The following ABI3BP variants were observed in gnomAD, a reference collection of about 807,000 sequenced individuals.
ABI3BP encodes target of Nesh-SH3.
ABI3BP carries 216 observed loss-of-function variants against 268.6 expected under a neutral mutation model. The observed-to-expected ratio is 0.80, with a 90% CI of 0.72 to 0.90. The LOEUF (loss-of-function observed/expected upper bound fraction) is 0.90. ABI3BP is among the 40% of genes least tolerant of loss of function. ABI3BP has a pLI of 0.00. For missense variants in ABI3BP, 2,090 were observed against 2,182.4 expected (o/e 0.96, Z 0.84); for synonymous variants, 730 against 730.0 (o/e 1.00, Z 0.00).
chr3:100,950,903 C>T (rs142791899), intron 1 of ABI3BP, among the ~76,000 whole-genome samples: 6 of 151,874 alleles, frequency 4.0e-5, no homozygotes, highest in African/African-American at 7.3e-5. Context: ...GCTGAGGCCA[C>T]GTGCCCAGGG....
At chr3:100,905,292 C>T (rs957042136) in intron 2 of ABI3BP, among the ~76,000 whole-genome samples, 5 of 151,998 alleles carry the variant, frequency 3.3e-5, no homozygotes, top group African/African-American at 7.3e-5. Context: ...GGATAGCATT[C>T]GGAGATATAC....
intron 59 of ABI3BP, among the ~76,000 whole-genome samples, chr3:100,776,748 T>C (rs1301153281): frequency 1.3e-5 from 2 of 152,122 alleles, no homozygotes; most frequent in Non-Finnish European, 2.9e-5. Context: ...ATCTCAGAAG[T>C]GGAATGTATT....
intron 49 of ABI3BP, among the ~76,000 whole-genome samples, chr3:100,809,453 A>G (rs1220521434): frequency 1.3e-5 from 2 of 152,128 alleles, no homozygotes; most frequent in Non-Finnish European, 2.9e-5. Context: ...ACACAATGAG[A>G]TAAGAATCAC....
chr3:100,813,182 A>G (rs1274920745), intron 45 of ABI3BP, among the ~76,000 whole-genome samples: 117 of 152,126 alleles, frequency 7.7e-4, no homozygotes, highest in Non-Finnish European at 1.0e-4. Context: ...TGCCTGGCCT[A>G]TTTACAAGCT....
At chr3:100,777,021 G>C (rs529914513) in intron 59 of ABI3BP, among the ~76,000 whole-genome samples, 1 of 152,158 alleles carries the variant, frequency 6.6e-6, no homozygotes, top group Admixed American at 6.5e-5. Context: ...TCCTAGCAAG[G>C]CCATGTCACT....
chr3:100,822,729 C>T (rs1560459924), intron 37 of ABI3BP, 57 bp from the exon 38 acceptor site: 2 of 1,464,656 alleles, frequency 1.4e-6, no homozygotes, highest in Non-Finnish European at 1.8e-6. Flanking sequence ...ATTCTGGAAG[C>T]TGTGTGAGGT....
At chr3:100,914,241 A>G (rs1378390369) in intron 2 of ABI3BP, among the ~76,000 whole-genome samples, 3 of 152,172 alleles carry the variant, frequency 2.0e-5, no homozygotes. Context: ...CAAATCCTAC[A>G]CTATTCAGTA....
At chr3:100,802,752 A>C (rs1434946826) in intron 51 of ABI3BP, among the ~76,000 whole-genome samples, 1 of 145,088 alleles carries the variant, frequency 6.9e-6, no homozygotes, top group Non-Finnish European at 1.6e-5. Flanking sequence ...ACAATAAAAC[A>C]TAACTCTGTC....
chr3:100,881,549 T>C (rs1172483654), intron 6 of ABI3BP, among the ~76,000 whole-genome samples: 2 of 152,164 alleles, frequency 1.3e-5, no homozygotes, highest in Non-Finnish European at 2.9e-5. Flanking sequence ...AAGTAATACA[T>C]TTTTTCAAAA....
chr3:100,843,557 G>C lies in ABI3BP; in HGVS notation c.1724-1518C>G, dbSNP rs1315278483. 3.1e-6 allele frequency: 3 copies of C among 980,884 alleles called. No homozygotes were observed. The African/African-American group carries it at 5.3e-5, about 17-fold the overall frequency. The allele number at this position is 980,884 out of a possible 1,614,324, so 60.8% of individuals were successfully genotyped here. A position where few individuals can be genotyped will look rare whatever the true frequency, so the allele number is the denominator to read the frequency against. On this transcript the variant is annotated intron_variant, in intron 20 of 67. Transcript: ENST00000471714. ...TGTGTGTGTGTGAGAGAGAGAGAGA[G>C]AGAGAGAGAGGGAAGGGGAGAAGAA...
At position 100,830,562 on chromosome 3, in the gene ABI3BP, C is replaced by T. The variant is rs1464283721; in HGVS notation, c.2458+16G>A. On this transcript the variant is annotated intron_variant, in intron 32 of 67. Transcript: ENST00000471714. ...AGCAGGAGAGGCAGATGTTGATGGA[C>T]ATAATGTGCCATTACCTGCTGTTGT... 4 of 1,532,562 alleles carry T rather than the reference C, an allele frequency of 2.6e-6. No homozygotes were observed. The Admixed American group carries it at 5.9e-5, about 23-fold the overall frequency. The allele number at this position is 1,532,562 out of a possible 1,614,324, so 94.9% of individuals were successfully genotyped here.
At chr3:100,972,665 G>C (rs577790399) in intron 1 of ABI3BP, among the ~76,000 whole-genome samples, 4 of 151,942 alleles carry the variant, frequency 2.6e-5, no homozygotes, top group South Asian at 4.2e-4. Context: ...TGAATGTTTT[G>C]GATTTCTTAG....
chr3:100,851,812 G>T, intron 15 of ABI3BP, 63 bp downstream of exon 15: 2 of 1,404,048 alleles, frequency 1.4e-6, no homozygotes, highest in East Asian at 2.4e-5. Flanking sequence ...AAAAACTAAA[G>T]GAAGAACCAC....
chr3:100,964,186 C>G (rs1444418863), intron 1 of ABI3BP, among the ~76,000 whole-genome samples: 1 of 152,066 alleles, frequency 6.6e-6, no homozygotes, highest in Non-Finnish European at 1.5e-5. Context: ...TAGACATGTT[C>G]AAGATGGCGG....
intron 1 of ABI3BP, among the ~76,000 whole-genome samples, chr3:100,933,641 A>ATATATC (rs1465728239): frequency 7.3e-5 from 11 of 150,262 alleles, no homozygotes; most frequent in East Asian, 5.9e-4. Context: ...CAATATATAT[A>ATATATC]TATATCTATT....
chr3:100,860,060 C>A (rs1470438259), intron 14 of ABI3BP, among the ~76,000 whole-genome samples: 1 of 152,134 alleles, frequency 6.6e-6, no homozygotes, highest in Non-Finnish European at 1.5e-5. Context: ...GAGACAAGAG[C>A]AAACTCCATC....
chr3:100,819,640 A>G (rs1417353694), intron 40 of ABI3BP, among the ~76,000 whole-genome samples: 1 of 152,086 alleles, frequency 6.6e-6, no homozygotes, highest in Non-Finnish European at 1.5e-5. Context: ...TATGAGGACA[A>G]TTGAATGAAA....
At position 100,765,838 on chromosome 3, in the gene ABI3BP, T is replaced by C; in HGVS notation, c.4850+3A>G. The C allele has an allele frequency of 1.3e-6, 2 of 1,597,248 alleles. No individual in the cohort carries two copies. Among genetic ancestry groups the C allele is most frequent in the Middle Eastern group, 1.7e-4 (1 of 6,032 alleles). On this transcript the variant is annotated splice_donor_region_variant and intron_variant, in intron 63 of 67. Coordinates refer to ENST00000471714, the MANE Select transcript of ABI3BP (RefSeq NM_001375547.2). The stretch of plus-strand genomic sequence containing the variant: ...TTTACCTGGAATAGCACTGGTGGCT[T>C]ACCTCGTGTTTGGTTTCAGATTTTC...
At position 100,911,218 on chromosome 3, in the gene ABI3BP, A is replaced by G; in HGVS notation, c.260-8532T>C. Reference sequence around the variant, plus strand: ...TTCAGGAATGTCAGTGTGTTCTACCATTAAGGTCAGTTTGGCTACTACATC... The same window carrying G: ...TTCAGGAATGTCAGTGTGTTCTACCGTTAAGGTCAGTTTGGCTACTACATC... On this transcript the variant is annotated intron_variant, in intron 2 of 67. Transcript: ENST00000471714. 11 of 379,778 alleles carry G rather than the reference A, an allele frequency of 2.9e-5. No individual in the cohort carries two copies. In the South Asian group the frequency reaches 3.8e-4, roughly 13 times the overall value. 23.5% of individuals were successfully genotyped at this position (379,778 alleles called of 1,614,324 possible).
Sources: allele counts gnomAD v4.1 joint callset (sites outside exome capture counted in the v4.1 genomes callset), GRCh38; gene constraint gnomAD v4.1.1; transcripts MANE v1.5; gene names NCBI Gene and HGNC (gene_info 2026-07-23, HGNC 2026-07-21).